Variants in RNF38 observed in about 807,000 individuals in gnomAD.
The protein encoded by RNF38 is ring finger protein 38, also known as E3 ubiquitin-protein ligase RNF38.
In RNF38, 15 loss-of-function variants were observed where a neutral mutation model predicts 67.2. That is an observed-to-expected ratio of 0.22 (90% CI 0.15 to 0.34). The LOEUF (loss-of-function observed/expected upper bound fraction) is 0.34. Ranked by LOEUF, RNF38 falls within the 10% of genes least tolerant of loss-of-function variation. RNF38 has a pLI of 1.00. For missense variants in RNF38, 524 were observed against 639.9 expected (o/e 0.82, Z 1.95); for synonymous variants, 220 against 218.8 (o/e 1.01, Z -0.05).
chr9:36,358,709 A>G (rs1462434520), intron 4 of RNF38, among the ~76,000 whole-genome samples: 1 of 152,204 alleles, frequency 6.6e-6, no homozygotes, highest in Non-Finnish European at 1.5e-5. Flanking sequence ...ACACAACTGA[A>G]AAAATATGAT....
chr9:36,409,786 C>G (rs2134192981), intron 2 of RNF38, among the ~76,000 whole-genome samples: 1 of 152,290 alleles, frequency 6.6e-6, no homozygotes, highest in Admixed American at 6.5e-5. Context: ...TATCCTCCTG[C>G]CCGTGCCACA....
chr9:36,353,356 A>G (rs1408354378), intron 6 of RNF38, 25 bp from the exon 7 acceptor site: 1 of 1,411,184 alleles, frequency 7.1e-7, no homozygotes. Context: ...AAAAAAACAC[A>G]TATATGTATA....
chr9:36,339,760 A>T lies in RNF38; in HGVS notation c.1540T>A (p.Ser514Thr), dbSNP rs1832706206. ...TGTGCTTCTTAGGTTGGTCATTCTG[A>T]ATCCCGATGCACTTCTGAAGCATCA... ...RADASEVHRDSE is the reference protein window; with the variant it reads ...RADASEVHRDTE Residue 514 changes from serine (S) to threonine (T), a missense_variant, in exon 12 of 12, where the codon TCA (serine) becomes ACA (threonine). This residue lies in a region of RNF38 where 63 missense variants were observed against 122.5 expected (regional missense o/e 0.51). Coordinates refer to ENST00000259605, the MANE Select transcript of RNF38 (RefSeq NM_022781.5). 1.9e-6 allele frequency: 3 copies of T among 1,613,074 alleles called. No individual in the cohort carries two copies. Among genetic ancestry groups the T allele is most frequent in the Non-Finnish European group, 2.5e-6 (3 of 1,179,432 alleles).
chr9:36,474,425 G>A (rs1452655274), intron 1 of RNF38, among the ~76,000 whole-genome samples: 1 of 148,796 alleles, frequency 6.7e-6, no homozygotes. Context: ...CTAAAATAGT[G>A]ATCAACTTTG....
chr9:36,403,213 G>A (rs1838100632), upstream of RNF38, among the ~76,000 whole-genome samples: 2 of 152,228 alleles, frequency 1.3e-5, no homozygotes, highest in African/African-American at 4.8e-5. Flanking sequence ...AGGGGCTAAA[G>A]TTATACCAGA....
chr9:36,444,313 T>TG (rs1035659746), intron 1 of RNF38, among the ~76,000 whole-genome samples: 32 of 151,830 alleles, frequency 2.1e-4, no homozygotes, highest in Non-Finnish European at 4.0e-4. Flanking sequence ...GGTTGCAGGT[T>TG]GGGGGGAAGG....
intron 3 of RNF38, among the ~76,000 whole-genome samples, chr9:36,372,062 C>T (rs1321369031): frequency 3.9e-5 from 6 of 151,920 alleles, no homozygotes; most frequent in Non-Finnish European, 8.8e-5. Flanking sequence ...TCCCGAGTAG[C>T]TGGGACTACA....
At chr9:36,379,307 A>C (rs1288739310) in intron 2 of RNF38, among the ~76,000 whole-genome samples, 1 of 152,236 alleles carries the variant, frequency 6.6e-6, no homozygotes, top group Non-Finnish European at 1.5e-5. Context: ...CACTTCCCTT[A>C]TCAATTTTAG....
chr9:36,384,341 G>A (rs749997606), intron 2 of RNF38, among the ~76,000 whole-genome samples: 4 of 152,228 alleles, frequency 2.6e-5, no homozygotes, highest in Non-Finnish European at 4.4e-5. Context: ...GTAAACAGCT[G>A]AAGCTCAGAG....
rs1838465342 is a variant in RNF38, at chr9:36,416,216, G to A, written n.312+8397C>T. On this transcript the variant is annotated intron_variant and non_coding_transcript_variant, in intron 2 of 3. Coordinates refer to the RNF38 transcript ENST00000488058. ...AGGGGGAGGGGGTGGGAGATGGGAG[G>A]ATGGGGGATGGGGGTGTGATTCTCA... Among the ~76,000 whole-genome samples, 3 of 134,064 alleles carry A rather than the reference G, an allele frequency of 2.2e-5. No individual in the cohort carries two copies. The Admixed American group carries it at 2.3e-4, about 10-fold the overall frequency. The allele number at this position is 134,064 out of a possible 152,430, so 88.0% of individuals were successfully genotyped here.
At chr9:36,401,142 T>TC (rs1369866654), upstream of RNF38, 1 of 982,724 alleles carries the variant, frequency 1.0e-6, no homozygotes, top group African/African-American at 1.8e-5. Context: ...TCCTCCCTTT[T>TC]CCCCCAGGCT....
At chr9:36,425,294 A>G (rs1437905411) in intron 1 of RNF38, among the ~76,000 whole-genome samples, 2 of 152,158 alleles carry the variant, frequency 1.3e-5, no homozygotes, top group Admixed American at 6.5e-5. Flanking sequence ...ATTTTTTTTA[A>G]AAAAAGTTTT....
intron 2 of RNF38, among the ~76,000 whole-genome samples, chr9:36,417,432 T>G (rs995194630): frequency 5.9e-5 from 9 of 152,186 alleles, no homozygotes; most frequent in African/African-American, 2.2e-4. Flanking sequence ...ATTCTAACAG[T>G]AGGTTAACTT....
At chr9:36,405,710 A>G (rs1175410666), upstream of RNF38, among the ~76,000 whole-genome samples, 2 of 152,146 alleles carry the variant, frequency 1.3e-5, no homozygotes, top group East Asian at 3.9e-4. Context: ...ATTTCTAACT[A>G]AGGCAAAACA....
Position 36,356,443 on chromosome 9 carries a change from G to T in RNF38, c.769C>A (p.Pro257Thr), listed in dbSNP as rs377630590. The change falls in exon 6 of 12, where the codon CCA becomes ACA. Residue 257 changes from proline (P) to threonine (T), a missense_variant. By Grantham distance (38) the Pro-to-Thr change is conservative. This residue lies in a region of RNF38 where 461 missense variants were observed against 517.4 expected (regional missense o/e 0.89). Coordinates refer to ENST00000259605, the MANE Select transcript of RNF38 (RefSeq NM_022781.5). ...MLQACSVQHL[P>T]VPYAAFPPLI... ...GGTGGGAATGCAGCATATGGTACTGGTAAGTGCTGAACTGAACATGCCTGA... is the reference window on the plus strand; with the variant it reads ...GGTGGGAATGCAGCATATGGTACTGTTAAGTGCTGAACTGAACATGCCTGA... The T allele has an allele frequency of 2.5e-6, 4 of 1,612,596 alleles. No homozygotes were observed. In the East Asian group the frequency reaches 6.7e-5, roughly 27 times the overall value.
At position 36,406,469 on chromosome 9, in the gene RNF38, C is replaced by T. The variant is rs540045609; in HGVS notation, n.313-15853G>A. On this transcript the variant is annotated intron_variant and non_coding_transcript_variant, in intron 2 of 3. Transcript: ENST00000488058. ...CTCCAACAACCTCAATCTCTATTGC[C>T]GAGTTAGTGGCCTCTCCTGTGTGTT... Among the ~76,000 whole-genome samples, 3 of 152,320 alleles carry T rather than the reference C, an allele frequency of 2.0e-5. 1 individual carries two copies. The highest frequency in any genetic ancestry group is 7.2e-5 in the African/African-American group (3 of 41,562).
At chr9:36,400,622 T>C (rs1837942848), upstream of RNF38, 2 of 985,666 alleles carry the variant, frequency 2.0e-6, no homozygotes, top group Non-Finnish European at 2.4e-6. Context: ...CCTCCTATTG[T>C]GACTGCTCGC....
chr9:36,362,653 A>AT (rs373822163), intron 4 of RNF38, among the ~76,000 whole-genome samples: 67 of 147,932 alleles, frequency 4.5e-4, no homozygotes, highest in East Asian at 3.4e-3. Flanking sequence ...TCTGGTAACC[A>AT]TTTTTTTTTT....
intron 9 of RNF38, among the ~76,000 whole-genome samples, chr9:36,349,701 C>T (rs181485355): frequency 6.6e-6 from 1 of 152,186 alleles, no homozygotes; most frequent in East Asian, 1.9e-4. Context: ...AATGCCATGG[C>T]CAATATCGAG....
Sources: allele counts gnomAD v4.1 joint callset (sites outside exome capture counted in the v4.1 genomes callset), GRCh38; gene constraint gnomAD v4.1.1; regional missense constraint gnomAD v4.1.1; transcripts MANE v1.5; gene names NCBI Gene and HGNC (gene_info 2026-07-23, HGNC 2026-07-21).